Variants in TENM4 observed in about 807,000 individuals in gnomAD.
TENM4 encodes teneurin transmembrane protein 4, also known as teneurin-4.
Under a neutral mutation model 243.3 loss-of-function variants are expected in TENM4, and 82 were observed. That is an observed-to-expected ratio of 0.34 (90% CI 0.28 to 0.40). The LOEUF (loss-of-function observed/expected upper bound fraction) is 0.40. Among genes scored for constraint, TENM4 ranks in the 10% least tolerant of loss-of-function variants. TENM4 has a pLI of 1.00. For missense variants in TENM4, 3,138 were observed against 3,673.3 expected, an observed-to-expected ratio of 0.85 and a Z score of 3.77; for synonymous variants, 1,412 against 1,456.3, an observed-to-expected ratio of 0.97 and a Z score of 0.69.
rs146019730 is a variant in TENM4, at chr11:79,060,299, C to G, written c.493+4439G>C. 3.6e-3 allele frequency among the ~76,000 whole-genome samples: 550 copies of G among 152,304 alleles called. 6 individuals carry two copies. Among genetic ancestry groups the G allele is most frequent in the Admixed American group, 8.3e-3 (127 of 15,302 alleles). On this transcript the variant is annotated intron_variant, in intron 6 of 33. Transcript: ENST00000278550. Reference sequence around the variant, plus strand: ...AAGATTTGTGTTTACATTACCCAGTCAATTCTGTATTTATTTTAGATATTA... The same window carrying G: ...AAGATTTGTGTTTACATTACCCAGTGAATTCTGTATTTATTTTAGATATTA...
chr11:79,184,888 CA>C, intron 3 of TENM4, among the ~76,000 whole-genome samples: 1 of 152,278 alleles, frequency 6.6e-6, no homozygotes, highest in East Asian at 1.9e-4. Flanking sequence ...TATTTCACCA[CA>C]ATTTTAGAAA....
chr11:79,420,481 G>A (rs1011421849), intron 1 of TENM4, among the ~76,000 whole-genome samples: 1 of 152,164 alleles, frequency 6.6e-6, no homozygotes, highest in Non-Finnish European at 1.5e-5. Flanking sequence ...CCCTACTCTT[G>A]TGAGAGTGCT....
intron 15 of TENM4, among the ~76,000 whole-genome samples, chr11:78,803,429 A>G (rs1232703060): frequency 6.6e-6 from 1 of 152,236 alleles, no homozygotes. Context: ...GCCCAAAATT[A>G]TAATTAGTAA....
At chr11:79,046,609 G>A (rs79483225) in intron 6 of TENM4, among the ~76,000 whole-genome samples, 3,328 of 152,284 alleles carry the variant, frequency 0.022, 122 homozygotes, top group African/African-American at 0.076. Flanking sequence ...TAAGACAGCA[G>A]CCATGTGAAG....
chr11:78,820,962 C>T (rs191646186), intron 12 of TENM4, among the ~76,000 whole-genome samples: 96 of 152,302 alleles, frequency 6.3e-4, no homozygotes, highest in Admixed American at 1.4e-3. Flanking sequence ...TGTGATGTGT[C>T]GGTCCCTATG....
chr11:79,026,751 T>C (rs1448290573), intron 6 of TENM4, among the ~76,000 whole-genome samples: 1 of 152,178 alleles, frequency 6.6e-6, no homozygotes, highest in East Asian at 1.9e-4. Context: ...TACTGGGTGG[T>C]CTGATCCCCA....
intron 6 of TENM4, among the ~76,000 whole-genome samples, chr11:79,054,584 G>A (rs1859893412): frequency 6.6e-6 from 1 of 150,904 alleles, no homozygotes; most frequent in African/African-American, 2.4e-5. Flanking sequence ...CTGCAGCCTC[G>A]ATCACCCAGG....
chr11:78,822,394 G>A (rs181686524), intron 12 of TENM4, among the ~76,000 whole-genome samples: 2 of 152,224 alleles, frequency 1.3e-5, no homozygotes, highest in African/African-American at 4.8e-5. Flanking sequence ...AAGTGTTCCA[G>A]TGAAGTGGAT....
At chr11:79,429,368 G>T (rs558800641) in intron 1 of TENM4, among the ~76,000 whole-genome samples, 1 of 152,052 alleles carries the variant, frequency 6.6e-6, no homozygotes, top group African/African-American at 2.4e-5. Context: ...ACTCGCCACC[G>T]GACTGTGCTG....
chr11:78,786,885 C>T lies in TENM4; in HGVS notation c.2365+13G>A, dbSNP rs540673231. The T allele has an allele frequency of 6.3e-5, 100 of 1,589,734 alleles. No homozygotes were observed. The South Asian group carries it at 9.5e-4, about 15-fold the overall frequency. On this transcript the variant is annotated intron_variant, in intron 16 of 33. Transcript: ENST00000278550. ...GACCAGAGAAGGTACCCGGGGACCT[C>T]GGCCCGCCATACCGATGGTGCAGTG...
chr11:79,031,625 G>C (rs947288392), intron 6 of TENM4, among the ~76,000 whole-genome samples: 1 of 152,158 alleles, frequency 6.6e-6, no homozygotes, highest in Admixed American at 6.6e-5. Context: ...CAGAATTGTG[G>C]GATAAGAAGG....
At chr11:78,956,276 G>C (rs1392968186) in intron 6 of TENM4, among the ~76,000 whole-genome samples, 3 of 152,168 alleles carry the variant, frequency 2.0e-5, no homozygotes, top group Non-Finnish European at 4.4e-5. Context: ...GAATAACTAG[G>C]TCCCAGACTG....
chr11:79,205,142 CT>C lies in TENM4; in HGVS notation c.-163+10665del, dbSNP rs1362311850. Among the ~76,000 whole-genome samples the C allele has an allele frequency of 3.3e-5, 5 of 152,172 alleles. No homozygotes were observed. The South Asian group carries it at 6.2e-4, about 19-fold the overall frequency. On this transcript the variant is annotated intron_variant, in intron 3 of 33. Transcript: ENST00000278550. ...TTTTAAAGTTACTTGCAATATCTTT[CT>C]TTTTTTAAATTGATATTTGTATTGA...
At chr11:79,341,137 A>C (rs1857234910) in intron 1 of TENM4, among the ~76,000 whole-genome samples, 2 of 152,184 alleles carry the variant, frequency 1.3e-5, no homozygotes, top group Non-Finnish European at 2.9e-5. Flanking sequence ...GAGCCTCCAG[A>C]AGGAACCAGC....
intron 6 of TENM4, among the ~76,000 whole-genome samples, chr11:78,983,867 A>C (rs1857860758): frequency 6.6e-6 from 1 of 152,220 alleles, no homozygotes; most frequent in South Asian, 2.1e-4. Flanking sequence ...TCTGGGTCTC[A>C]CTTTCTTTGT....
rs891852894 is a variant in TENM4 at position 78,812,041 on chromosome 11, G to C, written c.1978+81C>G. On this transcript the variant is annotated intron_variant, in intron 14 of 33. Coordinates refer to ENST00000278550, the MANE Select transcript of TENM4 (RefSeq NM_001098816.3). ...CAAAATGGCTCAGGAGGCTTCCCCT[G>C]CTCCCTGGTCACCCTCTTGGCACTA... The C allele has an allele frequency of 8.8e-6, 13 of 1,473,656 alleles. No individual in the cohort carries two copies. The African/African-American group carries it at 1.3e-4, about 14-fold the overall frequency. The allele number at this position is 1,473,656 out of a possible 1,614,324, so 91.3% of individuals were successfully genotyped here.
At chr11:79,082,151 A>T (rs905666103) in intron 4 of TENM4, among the ~76,000 whole-genome samples, 1 of 152,134 alleles carries the variant, frequency 6.6e-6, no homozygotes, top group Non-Finnish European at 1.5e-5. Context: ...ACAACTCTCC[A>T]TATGCCACCT....
At chr11:78,708,663 G>T (rs767698245) in intron 26 of TENM4, 148 bp from the exon 27 acceptor site, 49 of 977,956 alleles carry the variant, frequency 5.0e-5, no homozygotes, top group East Asian at 4.5e-4. Context: ...CAAAGAGGAG[G>T]AGTCTCAGGC....
intron 6 of TENM4, among the ~76,000 whole-genome samples, chr11:78,937,999 C>T (rs1856822609): frequency 6.6e-6 from 1 of 152,192 alleles, no homozygotes; most frequent in Non-Finnish European, 1.5e-5. Flanking sequence ...TCCTTTCCCA[C>T]CGAGGTTATT....
Sources: gnomAD v4.1 joint callset for allele counts (sites outside exome capture counted in the v4.1 genomes callset) on GRCh38, gnomAD v4.1.1 for gene constraint, MANE v1.5 for transcripts, NCBI Gene and HGNC (gene_info 2026-07-23, HGNC 2026-07-21) for gene names.